Variants in CSMD1 observed in about 807,000 individuals in gnomAD.
The protein encoded by CSMD1 is CUB and sushi domain-containing protein 1.
CSMD1 carries 213 observed loss-of-function variants against 417.5 expected under a neutral mutation model. That is an observed-to-expected ratio of 0.51 (90% CI 0.46 to 0.57). CSMD1 has a LOEUF of 0.57. CSMD1 is among the 20% of genes least tolerant of loss of function. The probability of loss-of-function intolerance (pLI) is 0.00; values close to 1 mark genes in which losing one functional copy is unlikely to be tolerated. For missense variants in CSMD1, 6,923 were observed against 4,529.7 expected, an observed-to-expected ratio of 1.53 and a Z score of -15.17; for synonymous variants, 2,862 against 1,736.8, an observed-to-expected ratio of 1.65 and a Z score of -16.11.
At chr8:4,245,359 T>C (rs966103802) in intron 3 of CSMD1, among the ~76,000 whole-genome samples, 2 of 152,098 alleles carry the variant, frequency 1.3e-5, no homozygotes, top group South Asian at 2.1e-4. Flanking sequence ...GGAGGAAAGA[T>C]TGCAAGTACC....
At chr8:3,729,110 G>A (rs976969427) in intron 6 of CSMD1, among the ~76,000 whole-genome samples, 2 of 152,172 alleles carry the variant, frequency 1.3e-5, no homozygotes, top group Non-Finnish European at 2.9e-5. Flanking sequence ...AAGGTTTCGA[G>A]CTAAAGTAGA....
At chr8:4,491,697 T>A (rs536560790) in intron 2 of CSMD1, among the ~76,000 whole-genome samples, 1 of 152,096 alleles carries the variant, frequency 6.6e-6, no homozygotes, top group African/African-American at 2.4e-5. Flanking sequence ...GAAGAATCGC[T>A]AAAATCCAGA....
rs562542308 is a variant in CSMD1 at position 3,794,380 on chromosome 8, T to A, written c.819-40338A>T. 7.9e-5 allele frequency among the ~76,000 whole-genome samples: 12 copies of A among 152,260 alleles called. No individual in the cohort carries two copies. The East Asian group carries it at 2.3e-3, about 29-fold the overall frequency. ...AATAAAACACTTATAGATCATGAAG[T>A]TTCATCCATGTAGTTTTCTATCACT... On this transcript the variant is annotated intron_variant, in intron 5 of 69. Transcript: ENST00000635120.
At chr8:4,124,739 G>C (rs906144409) in intron 3 of CSMD1, among the ~76,000 whole-genome samples, 18 of 152,192 alleles carry the variant, frequency 1.2e-4, no homozygotes, top group African/African-American at 4.3e-4. Flanking sequence ...ATGAGTCACA[G>C]CTGCAAACTA....
At chr8:4,493,007 T>A (rs913791420) in intron 2 of CSMD1, among the ~76,000 whole-genome samples, 3 of 152,210 alleles carry the variant, frequency 2.0e-5, no homozygotes, top group African/African-American at 7.2e-5. Flanking sequence ...AAGATCAAGG[T>A]TGTGTCAGAA....
intron 3 of CSMD1, among the ~76,000 whole-genome samples, chr8:4,165,744 A>T (rs1797420526): frequency 6.6e-6 from 1 of 152,056 alleles, no homozygotes; most frequent in African/African-American, 2.4e-5. Flanking sequence ...TAAGCATCTC[A>T]TCATTTCTTC....
At chr8:3,525,068 A>C (rs531600779) in intron 10 of CSMD1, among the ~76,000 whole-genome samples, 1 of 152,150 alleles carries the variant, frequency 6.6e-6, no homozygotes, top group Non-Finnish European at 1.5e-5. Flanking sequence ...TCTATCTGAA[A>C]AGCCAACTAA....
chr8:4,331,663 G>T (rs1407650021), intron 3 of CSMD1, among the ~76,000 whole-genome samples: 1 of 152,066 alleles, frequency 6.6e-6, no homozygotes, highest in Non-Finnish European at 1.5e-5. Flanking sequence ...CTAAAAGGTA[G>T]CCATCCCAGA....
chr8:3,018,513 T>C lies in CSMD1; in HGVS notation c.7993A>G (p.Asn2665Asp), dbSNP rs1007045772. The stretch of plus-strand genomic sequence containing the variant: ...GTTTCGCTGCCGCTCCAGAGCCCAT[T>C]TGCCAAGCACTCTCTGACATGAGAC... ...VGSHVRECLA[N>D]GLWSGSETRC... Residue 2665 changes from asparagine (N) to aspartate (D), a missense_variant, in exon 52 of 70, where the codon AAT (asparagine) becomes GAT (aspartate). Transcript: ENST00000635120. 5.6e-6 allele frequency: 9 copies of C among 1,613,736 alleles called. No homozygotes were observed. The highest frequency in any genetic ancestry group is 7.6e-6 in the Non-Finnish European group (9 of 1,179,794).
intron 5 of CSMD1, among the ~76,000 whole-genome samples, chr8:3,776,807 G>GATATATATATATATATATATGTAT (rs151060171): frequency 1.4e-5 from 2 of 139,938 alleles, no homozygotes; most frequent in African/African-American, 5.7e-5. Context: ...ATATAGACGA[G>GATATATATATATATATATATGTAT]ATATATATAT....
At chr8:3,765,981 G>T (rs1304576559) in intron 5 of CSMD1, among the ~76,000 whole-genome samples, 1 of 152,220 alleles carries the variant, frequency 6.6e-6, no homozygotes, top group Non-Finnish European at 1.5e-5. Flanking sequence ...TTAACCCAGA[G>T]GTCAGGCAGA....
chr8:3,900,529 GGGTGACAGTGAAGCTA>G (rs565283925), intron 5 of CSMD1, among the ~76,000 whole-genome samples: 5,967 of 152,044 alleles, frequency 0.039, 387 homozygotes, highest in African/African-American at 0.14. Flanking sequence ...CACTACAGCT[GGGTGACAGTGAAGCTA>G]GGTGACAGTG....
At chr8:3,410,749 AT>A (rs1215485997) in intron 12 of CSMD1, among the ~76,000 whole-genome samples, 1 of 151,998 alleles carries the variant, frequency 6.6e-6, no homozygotes, top group African/African-American at 2.4e-5. Context: ...TAAAATTATT[AT>A]TTTTTTGAGA....
chr8:3,689,925 G>T (rs139542884), intron 7 of CSMD1, among the ~76,000 whole-genome samples: 4 of 152,154 alleles, frequency 2.6e-5, no homozygotes, highest in Non-Finnish European at 5.9e-5. Context: ...AAATAATCAC[G>T]TTCATCAATT....
In CSMD1 at chr8:3,586,429, C is replaced by G. The variant is rs76459070; in HGVS notation, c.1098-169G>C. ...GTATAGAGGCAACCCTGTAATTTAGCAAAGGTTATAAAATCAAAAGACTTG... is the reference window on the plus strand; with the variant it reads ...GTATAGAGGCAACCCTGTAATTTAGGAAAGGTTATAAAATCAAAAGACTTG... On this transcript the variant is annotated intron_variant, in intron 8 of 69. Transcript: ENST00000635120. 1.0e-2 allele frequency among the ~76,000 whole-genome samples: 1,516 copies of G among 152,130 alleles called. 23 individuals are homozygous for G. The highest frequency in any genetic ancestry group is 0.033 in the African/African-American group (1,368 of 41,506).
intron 5 of CSMD1, among the ~76,000 whole-genome samples, chr8:3,885,123 G>A (rs935896759): frequency 1.3e-5 from 2 of 152,000 alleles, no homozygotes; most frequent in African/African-American, 4.8e-5. Flanking sequence ...TGTCGAAACT[G>A]TGTACCTCAT....
At chr8:4,910,189 C>T (rs1019583705) in intron 1 of CSMD1, among the ~76,000 whole-genome samples, 15 of 152,294 alleles carry the variant, frequency 9.8e-5, no homozygotes, top group Admixed American at 7.8e-4. Context: ...TACACATACA[C>T]ACACTTGTTA....
At chr8:4,765,035 G>C (rs1368010632) in intron 1 of CSMD1, among the ~76,000 whole-genome samples, 2 of 152,038 alleles carry the variant, frequency 1.3e-5, no homozygotes, top group Non-Finnish European at 2.9e-5. Flanking sequence ...GCAACTGCAT[G>C]TTTTCGCACC....
In CSMD1 at chr8:4,247,536, G is replaced by A. The variant is rs181650054; in HGVS notation, c.415+172417C>T. 3.1e-4 allele frequency among the ~76,000 whole-genome samples: 47 copies of A among 152,110 alleles called. No individual in the cohort carries two copies. The East Asian group carries it at 5.4e-3, about 18-fold the overall frequency. ...AATTTACTTTTTCTTATTAGTACCC[G>A]AAGAATCAAAGGCTTTTAAGAATTC... On this transcript the variant is annotated intron_variant, in intron 3 of 69. Coordinates refer to ENST00000635120, the MANE Select transcript of CSMD1 (RefSeq NM_033225.6).
Sources: allele counts gnomAD v4.1 joint callset (sites outside exome capture counted in the v4.1 genomes callset), GRCh38; gene constraint gnomAD v4.1.1; transcripts MANE v1.5; gene names NCBI Gene and HGNC (gene_info 2026-07-23, HGNC 2026-07-21).